Variants in A1CF observed in about 807,000 individuals in gnomAD.
A1CF encodes the protein APOBEC-1 stimulating protein.
In A1CF, 48 loss-of-function variants were observed where a neutral mutation model predicts 68.9. The ratio of observed to expected loss-of-function variants is 0.70; its 90% CI spans 0.55 to 0.89. The LOEUF is 0.89. A1CF is among the 40% of genes least tolerant of loss of function. A1CF has a pLI of 0.00. For synonymous variants in A1CF, 272 were observed against 260.4 expected (o/e 1.04, Z -0.43); for missense variants, 653 against 718.9 (o/e 0.91, Z 1.05).
rs998464932 is a variant in A1CF, at chr10:50,806,990, A to G, written c.1610-110T>C. On this transcript the variant is annotated intron_variant, in intron 12 of 12. Coordinates refer to ENST00000373997, the MANE Select transcript of A1CF (RefSeq NM_014576.4). ...ACATTTAACATATTGCTTAAAGCTA[A>G]AAGTTAATATATATGTTTTAAAAAG... The G allele has an allele frequency of 2.7e-6, 3 of 1,099,422 alleles. No homozygotes were observed. In the African/African-American group the frequency reaches 4.7e-5, roughly 17 times the overall value. The allele number at this position is 1,099,422 out of a possible 1,614,324, so 68.1% of individuals were successfully genotyped here. A position where few individuals can be genotyped will look rare whatever the true frequency, so the allele number is the denominator to read the frequency against.
At position 50,806,646 on chromosome 10, in the gene A1CF, T is replaced by C. The variant is rs1224824572; in HGVS notation, c.*83A>G. The C allele has an allele frequency of 1.5e-6, 2 of 1,307,832 alleles. No individual in the cohort carries two copies. Among genetic ancestry groups the C allele is most frequent in the African/African-American group, 1.5e-5 (1 of 66,468 alleles). The allele number at this position is 1,307,832 out of a possible 1,614,324, so 81.0% of individuals were successfully genotyped here. On this transcript the variant is annotated 3_prime_UTR_variant, in exon 13 of 13. Coordinates refer to ENST00000373997, the MANE Select transcript of A1CF (RefSeq NM_014576.4). Reference sequence around the variant, plus strand: ...TTAGGAAACATATTATTTATGATCATTGGGGACCGAGTTAGAGGTTTATTT... The same window carrying C: ...TTAGGAAACATATTATTTATGATCACTGGGGACCGAGTTAGAGGTTTATTT...
chr10:50,872,112 C>A (rs1841296219), intron 1 of A1CF, among the ~76,000 whole-genome samples: 1 of 150,814 alleles, frequency 6.6e-6, no homozygotes, highest in Non-Finnish European at 1.5e-5. Flanking sequence ...TTAAAGAAAT[C>A]AAAATAGCTT....
At chr10:50,853,368 A>C (rs1840335729) in intron 3 of A1CF, among the ~76,000 whole-genome samples, 1 of 152,130 alleles carries the variant, frequency 6.6e-6, no homozygotes, top group Non-Finnish European at 1.5e-5. Flanking sequence ...CTCATCTGGT[A>C]AGTCTTAGCT....
In A1CF at chr10:50,836,193, C is replaced by A; in HGVS notation, c.485G>T (p.Gly162Val). The A allele has an allele frequency of 6.2e-7, 1 of 1,614,032 alleles. No individual in the cohort carries two copies. Among genetic ancestry groups the A allele is most frequent in the Non-Finnish European group, 8.5e-7 (1 of 1,179,930 alleles). Reference protein sequence around the residue: ...ILSEMKKVTEGVVDVIVYPSA... With the variant: ...ILSEMKKVTEVVVDVIVYPSA... ...TGGGTAGACGATGACATCGACAACA[C>A]CTTCAGTAACCTTTTTCATCTCCGA... is the stretch of plus-strand genomic sequence containing the variant. Residue 162 changes from glycine to valine, a missense_variant, in exon 6 of 13, where the codon GGT becomes GTT. Transcript: ENST00000373997.
intron 1 of A1CF, among the ~76,000 whole-genome samples, chr10:50,870,594 T>C (rs1019444340): frequency 2.0e-5 from 3 of 151,872 alleles, no homozygotes; most frequent in Non-Finnish European, 4.4e-5. Context: ...AGTTAAAAAT[T>C]TGAATAAACT....
intron 1 of A1CF, among the ~76,000 whole-genome samples, chr10:50,883,638 T>G (rs1282071976): frequency 6.6e-6 from 1 of 152,204 alleles, no homozygotes; most frequent in African/African-American, 2.4e-5. Flanking sequence ...TTCTGAGAAA[T>G]GCCAATTTTG....
intron 6 of A1CF, among the ~76,000 whole-genome samples, chr10:50,832,058 A>AT (rs1839271628): frequency 6.6e-6 from 1 of 152,204 alleles, no homozygotes; most frequent in Non-Finnish European, 1.5e-5. Flanking sequence ...CAATCACCAT[A>AT]CTGGGTATGT....
intron 2 of A1CF, among the ~76,000 whole-genome samples, chr10:50,862,573 A>G (rs1364185246): frequency 6.6e-6 from 1 of 152,152 alleles, no homozygotes; most frequent in African/African-American, 2.4e-5. Context: ...GAAGAAGCAT[A>G]TAGTTAATGC....
chr10:50,828,824 G>T (rs918805037), intron 6 of A1CF, among the ~76,000 whole-genome samples: 11 of 152,210 alleles, frequency 7.2e-5, no homozygotes, highest in African/African-American at 2.6e-4. Flanking sequence ...TCCTTAATTT[G>T]TTCTCTGTCC....
At chr10:50,813,701 C>A (rs1056477667) in intron 10 of A1CF, among the ~76,000 whole-genome samples, 156 bp downstream of exon 10, 4 of 152,182 alleles carry the variant, frequency 2.6e-5, no homozygotes, top group Non-Finnish European at 4.4e-5. Context: ...AGATGCCCAG[C>A]ATTCCTTCAA....
intron 3 of A1CF, among the ~76,000 whole-genome samples, chr10:50,844,330 A>G (rs944107097): frequency 1.1e-4 from 16 of 152,192 alleles, no homozygotes; most frequent in African/African-American, 3.6e-4. Flanking sequence ...TGCTTGAGAT[A>G]AACATTGTGA....
intron 6 of A1CF, among the ~76,000 whole-genome samples, chr10:50,834,710 T>C (rs923040499): frequency 2.6e-5 from 4 of 152,176 alleles, no homozygotes; most frequent in Non-Finnish European, 5.9e-5. Context: ...GTTGAAAGGA[T>C]AATAGGATAT....
rs967367584 is a variant in A1CF at position 50,805,238 on chromosome 10, T to C, written c.*1491A>G. 6.6e-6 allele frequency: 1 copy of C among 152,254 alleles called. No individual in the cohort carries two copies. The highest frequency in any genetic ancestry group is 2.4e-5 in the African/African-American group (1 of 41,472). 9.4% of individuals were successfully genotyped at this position (152,254 alleles called of 1,614,324 possible). A position where few individuals can be genotyped will look rare whatever the true frequency, so the allele number is the denominator to read the frequency against. The stretch of plus-strand genomic sequence containing the variant: ...TGTTTATGTTTTCCTTTGTGTTCTG[T>C]AAATTTTTTTAAGGGCCAAGGGATT... On this transcript the variant is annotated 3_prime_UTR_variant, in exon 13 of 13. Coordinates refer to ENST00000373997, the MANE Select transcript of A1CF (RefSeq NM_014576.4).
chr10:50,823,775 G>A (rs778201804), intron 7 of A1CF, among the ~76,000 whole-genome samples: 32 of 151,948 alleles, frequency 2.1e-4, no homozygotes, highest in Non-Finnish European at 4.1e-4. Flanking sequence ...CTCAATTTTT[G>A]TTCTAATTAT....
At chr10:50,808,800 A>G (rs968577206) in intron 12 of A1CF, among the ~76,000 whole-genome samples, 2 of 152,102 alleles carry the variant, frequency 1.3e-5, no homozygotes, top group Non-Finnish European at 2.9e-5. Context: ...CCCAAAACCA[A>G]AAAACACTAC....
At chr10:50,837,988 G>A (rs562686229) in intron 5 of A1CF, among the ~76,000 whole-genome samples, 11 of 152,244 alleles carry the variant, frequency 7.2e-5, no homozygotes, top group African/African-American at 1.7e-4. Flanking sequence ...ATGGAGTTGC[G>A]GAGAAATGGT....
chr10:50,872,767 A>G (rs1347998382), intron 1 of A1CF, among the ~76,000 whole-genome samples: 9 of 152,012 alleles, frequency 5.9e-5, no homozygotes, highest in Non-Finnish European at 1.3e-4. Context: ...GGACACATCA[A>G]GGATTGATCC....
chr10:50,866,779 C>G, intron 1 of A1CF, among the ~76,000 whole-genome samples: 1 of 151,938 alleles, frequency 6.6e-6, no homozygotes, highest in East Asian at 1.9e-4. Context: ...TCTAGATTTG[C>G]CTGAAGTTAT....
At chr10:50,832,759 TA>T (rs1839309843) in intron 6 of A1CF, among the ~76,000 whole-genome samples, 1 of 152,224 alleles carries the variant, frequency 6.6e-6, no homozygotes, top group East Asian at 1.9e-4. Context: ...TAATAACTTT[TA>T]AATTATGATT....
Sources: gnomAD v4.1 joint callset for allele counts (sites outside exome capture counted in the v4.1 genomes callset) on GRCh38, gnomAD v4.1.1 for gene constraint, MANE v1.5 for transcripts, NCBI Gene and HGNC (gene_info 2026-07-23, HGNC 2026-07-21) for gene names.